Variants in ROBO2 observed in about 807,000 individuals in gnomAD.
The protein encoded by ROBO2 is roundabout guidance receptor 2.
A neutral mutation model predicts 160.8 loss-of-function variants in ROBO2; 53 were observed. The ratio of observed to expected loss-of-function variants is 0.33; its 90% CI spans 0.26 to 0.41. ROBO2 has a LOEUF of 0.41. ROBO2 is among the 10% of genes least tolerant of loss of function. ROBO2 has a pLI of 1.00. For synonymous variants in ROBO2, 664 were observed against 611.7 expected (o/e 1.09, Z -1.26); for missense variants, 1,577 against 1,722.4 (o/e 0.92, Z 1.49).
intron 2 of ROBO2, among the ~76,000 whole-genome samples, chr3:76,362,341 G>A (rs932329271): frequency 1.3e-5 from 2 of 152,032 alleles, no homozygotes; most frequent in African/African-American, 4.8e-5. Flanking sequence ...TCCAGCCTGG[G>A]TTACAGACCT....
At chr3:77,463,405 T>C (rs1049094110) in intron 2 of ROBO2, among the ~76,000 whole-genome samples, 2 of 152,134 alleles carry the variant, frequency 1.3e-5, no homozygotes, top group African/African-American at 2.4e-5. Context: ...CATAAAATAG[T>C]ACCTCTAAAT....
At chr3:76,691,455 G>A (rs1447055811) in intron 2 of ROBO2, among the ~76,000 whole-genome samples, 1 of 151,856 alleles carries the variant, frequency 6.6e-6, no homozygotes, top group East Asian at 1.9e-4. Context: ...ATTGGAAACG[G>A]ATCAAAAATA....
At chr3:76,587,798 C>G (rs954652046) in intron 2 of ROBO2, among the ~76,000 whole-genome samples, 1 of 152,152 alleles carries the variant, frequency 6.6e-6, no homozygotes, top group Admixed American at 6.5e-5. Flanking sequence ...CTTTAAAACA[C>G]AGTCTTTATT....
intron 2 of ROBO2, among the ~76,000 whole-genome samples, chr3:76,609,441 T>G (rs1560229189): frequency 2.0e-5 from 3 of 152,180 alleles, no homozygotes; most frequent in Admixed American, 6.5e-5. Flanking sequence ...TCACTTATTT[T>G]ATTAAGTTAA....
intron 2 of ROBO2, among the ~76,000 whole-genome samples, chr3:77,381,826 C>T (rs546300642): frequency 1.1e-4 from 16 of 152,194 alleles, no homozygotes; most frequent in East Asian, 1.9e-4. Context: ...TGCTTTAGGT[C>T]TTCCTTTCTT....
intron 2 of ROBO2, among the ~76,000 whole-genome samples, chr3:76,449,564 G>A (rs1005017051): frequency 9.2e-5 from 14 of 152,118 alleles, no homozygotes; most frequent in Admixed American, 9.2e-4. Context: ...TCCTAGAGCT[G>A]CTGAACGTGC....
intron 2 of ROBO2, among the ~76,000 whole-genome samples, chr3:76,862,410 C>T (rs892261216): frequency 2.0e-5 from 3 of 151,938 alleles, no homozygotes; most frequent in Admixed American, 6.6e-5. Context: ...TTAAAAAGCA[C>T]GTTTTATGCC....
At chr3:76,426,689 T>G (rs2076236085) in intron 2 of ROBO2, among the ~76,000 whole-genome samples, 1 of 152,104 alleles carries the variant, frequency 6.6e-6, no homozygotes, top group Non-Finnish European at 1.5e-5. Flanking sequence ...CTTTTCTTTC[T>G]TTTACAATAC....
intron 2 of ROBO2, among the ~76,000 whole-genome samples, chr3:76,305,745 T>A (rs1358456559): frequency 7.1e-6 from 1 of 141,256 alleles, no homozygotes; most frequent in Non-Finnish European, 1.5e-5. Flanking sequence ...GGTAACAGAG[T>A]GGGACTCCAT....
At chr3:77,493,544 A>C (rs946246792) in intron 5 of ROBO2, among the ~76,000 whole-genome samples, 162 bp downstream of exon 5, 3 of 152,178 alleles carry the variant, frequency 2.0e-5, no homozygotes, top group African/African-American at 7.2e-5. Flanking sequence ...TTGTATGTTA[A>C]AGTCCTCCAG....
chr3:76,802,943 T>C (rs2064340201), intron 2 of ROBO2, among the ~76,000 whole-genome samples: 1 of 152,144 alleles, frequency 6.6e-6, no homozygotes, highest in Admixed American at 6.5e-5. Flanking sequence ...CTATGATTTA[T>C]GGAAGGCTAT....
intron 2 of ROBO2, among the ~76,000 whole-genome samples, chr3:76,460,909 C>T (rs142607075): frequency 6.6e-5 from 10 of 151,970 alleles, no homozygotes; most frequent in Non-Finnish European, 1.3e-4. Flanking sequence ...TGATAGCTGT[C>T]GATTACTAAA....
Position 76,613,716 on chromosome 3 carries a change from G to A in ROBO2, c.110-484298G>A, listed in dbSNP as rs145062195. On this transcript the variant is annotated intron_variant, in intron 2 of 26. Transcript: ENST00000487694. Reference sequence around the variant, plus strand: ...GTTAAAGATAAAGTGACTAATTTATGCCACCTATCAATAAAGTTCATCTCT... The same window carrying A: ...GTTAAAGATAAAGTGACTAATTTATACCACCTATCAATAAAGTTCATCTCT... Among the ~76,000 whole-genome samples the A allele has an allele frequency of 7.5e-4, 114 of 151,910 alleles. 1 individual carries two copies. The East Asian group carries it at 0.016, about 22-fold the overall frequency.
intron 2 of ROBO2, among the ~76,000 whole-genome samples, chr3:76,187,005 T>C (rs1167294788): frequency 6.6e-6 from 1 of 152,116 alleles, no homozygotes; most frequent in Admixed American, 6.6e-5. Flanking sequence ...TATTCTTTTT[T>C]GGCTTCTTCT....
At chr3:77,623,956 C>T (rs1273574534) in intron 23 of ROBO2, among the ~76,000 whole-genome samples, 1 of 152,120 alleles carries the variant, frequency 6.6e-6, no homozygotes, top group Non-Finnish European at 1.5e-5. Flanking sequence ...TTTACATGCT[C>T]ACCTGTGACA....
intron 24 of ROBO2, among the ~76,000 whole-genome samples, chr3:77,635,711 G>A (rs2095252608): frequency 6.6e-6 from 1 of 152,146 alleles, no homozygotes; most frequent in Non-Finnish European, 1.5e-5. Flanking sequence ...ACGCTGCACA[G>A]ATTTTTACCC....
At chr3:76,670,213 A>G (rs943838414) in intron 2 of ROBO2, among the ~76,000 whole-genome samples, 1 of 152,108 alleles carries the variant, frequency 6.6e-6, no homozygotes, top group African/African-American at 2.4e-5. Context: ...AGTTTTAATT[A>G]ATCTTTTCCT....
At chr3:76,963,161 A>AT (rs11437907) in intron 2 of ROBO2, among the ~76,000 whole-genome samples, 102,334 of 151,952 alleles carry the variant, frequency 0.67, 34,619 homozygotes, top group African/African-American at 0.72. Context: ...AATAAAGATT[A>AT]TTTTGTATAT....
At chr3:76,734,192 A>C (rs2093676241) in intron 2 of ROBO2, among the ~76,000 whole-genome samples, 1 of 152,200 alleles carries the variant, frequency 6.6e-6, no homozygotes, top group South Asian at 2.1e-4. Context: ...GAATCTTTAG[A>C]ATTCTACTAA....
Sources: allele counts gnomAD v4.1 joint callset (sites outside exome capture counted in the v4.1 genomes callset), GRCh38; gene constraint gnomAD v4.1.1; transcripts MANE v1.5; gene names NCBI Gene and HGNC (gene_info 2026-07-23, HGNC 2026-07-21).